Variants in CSMD1 observed in about 807,000 individuals in gnomAD.
CSMD1 encodes the protein CUB and Sushi multiple domains 1.
A neutral mutation model predicts 417.5 loss-of-function variants in CSMD1; 213 were observed. The ratio of observed to expected loss-of-function variants is 0.51; its 90% CI spans 0.46 to 0.57. The LOEUF (loss-of-function observed/expected upper bound fraction) is 0.57. Among genes scored for constraint, CSMD1 ranks in the 20% least tolerant of loss-of-function variants. The pLI, the probability that CSMD1 is intolerant of heterozygous loss-of-function variation, is 0.00. For synonymous variants in CSMD1, 2,862 were observed against 1,736.8 expected, an observed-to-expected ratio of 1.65 and a Z score of -16.11; for missense variants, 6,923 against 4,529.7, an observed-to-expected ratio of 1.53 and a Z score of -15.17.
intron 5 of CSMD1, among the ~76,000 whole-genome samples, chr8:3,915,606 A>T (rs1405370050): frequency 6.6e-6 from 1 of 151,362 alleles, no homozygotes; most frequent in Non-Finnish European, 1.5e-5. Flanking sequence ...TTACTGAAAT[A>T]CTTGAAAAGC....
chr8:3,314,904 G>A (rs974008335), intron 23 of CSMD1, among the ~76,000 whole-genome samples: 14 of 152,336 alleles, frequency 9.2e-5, no homozygotes, highest in African/African-American at 3.4e-4. Flanking sequence ...CGAGCTCACA[G>A]TAATGTGAGT....
intron 7 of CSMD1, among the ~76,000 whole-genome samples, chr8:3,682,262 A>G (rs1211714542): frequency 6.6e-6 from 1 of 152,148 alleles, no homozygotes; most frequent in Non-Finnish European, 1.5e-5. Context: ...GCAACCTAAA[A>G]AATGGGATAA....
At chr8:4,306,371 C>T (rs560071882) in intron 3 of CSMD1, among the ~76,000 whole-genome samples, 1 of 149,122 alleles carries the variant, frequency 6.7e-6, no homozygotes, top group East Asian at 2.0e-4. Context: ...ATGAGCCTCA[C>T]TCTGATAATG....
At chr8:3,993,689 G>C (rs1005103753) in intron 5 of CSMD1, among the ~76,000 whole-genome samples, 1 of 152,172 alleles carries the variant, frequency 6.6e-6, no homozygotes, top group Admixed American at 6.5e-5. Context: ...AAATCATAAA[G>C]TAACAGATGT....
Position 4,783,672 on chromosome 8 carries a change from G to T in CSMD1, c.86-146114C>A, listed in dbSNP as rs187577941. 7.9e-5 allele frequency among the ~76,000 whole-genome samples: 12 copies of T among 152,268 alleles called. No individual in the cohort carries two copies. In the East Asian group the frequency reaches 2.3e-3, roughly 29 times the overall value. On this transcript the variant is annotated intron_variant, in intron 1 of 69. Coordinates refer to ENST00000635120, the MANE Select transcript of CSMD1 (RefSeq NM_033225.6). The stretch of plus-strand genomic sequence containing the variant: ...TCTTGTCATGAACAGGCTGAAGCCA[G>T]CCCGAAGCCTGTACTCAGAAGGGTG...
rs969226200 is a variant in CSMD1, at chr8:4,542,484, A to AT, written c.302+94857dup. Among the ~76,000 whole-genome samples the AT allele has an allele frequency of 2.5e-3, 380 of 152,356 alleles. 3 individuals are homozygous for AT. Among genetic ancestry groups the AT allele is most frequent in the African/African-American group, 8.9e-3 (369 of 41,576 alleles). On this transcript the variant is annotated intron_variant, in intron 2 of 69. Coordinates refer to ENST00000635120, the MANE Select transcript of CSMD1 (RefSeq NM_033225.6). ...GATATTTGAATAGATCACCAAATCA[A>AT]TTTTTTAAAAAAGCACAATTATTGA...
intron 3 of CSMD1, among the ~76,000 whole-genome samples, chr8:4,280,209 A>G (rs1299967291): frequency 6.6e-6 from 1 of 152,258 alleles, no homozygotes; most frequent in Non-Finnish European, 1.5e-5. Context: ...AGCATAGGCC[A>G]ATCAAAGGTT....
chr8:3,147,177 G>C (rs1351974904), intron 40 of CSMD1, among the ~76,000 whole-genome samples: 1 of 152,120 alleles, frequency 6.6e-6, no homozygotes, highest in Admixed American at 6.6e-5. Flanking sequence ...CTGAAGCCTA[G>C]AAATTACATT....
At chr8:2,956,637 T>C (rs1428054058) in intron 63 of CSMD1, among the ~76,000 whole-genome samples, 22 of 151,904 alleles carry the variant, frequency 1.4e-4, no homozygotes, top group Admixed American at 1.4e-3. Flanking sequence ...GTAGTTTTTT[T>C]AGTAGAGATG....
intron 7 of CSMD1, among the ~76,000 whole-genome samples, chr8:3,648,203 T>C (rs762156765): frequency 1.3e-5 from 2 of 152,374 alleles, no homozygotes; most frequent in East Asian, 1.9e-4. Flanking sequence ...ATATTACTCT[T>C]CTCACCATAT....
chr8:3,395,722 C>G (rs1319785136), intron 17 of CSMD1, among the ~76,000 whole-genome samples: 1 of 152,144 alleles, frequency 6.6e-6, no homozygotes, highest in African/African-American at 2.4e-5. Context: ...TCCTTCGCCT[C>G]TTGTTACCTG....
At chr8:4,043,951 A>G (rs1798020434) in intron 3 of CSMD1, among the ~76,000 whole-genome samples, 1 of 152,154 alleles carries the variant, frequency 6.6e-6, no homozygotes, top group African/African-American at 2.4e-5. Context: ...TATTGTCCCA[A>G]TTGTGTTGAT....
chr8:3,682,205 C>T (rs1208988511), intron 7 of CSMD1, among the ~76,000 whole-genome samples: 1 of 152,138 alleles, frequency 6.6e-6, no homozygotes, highest in African/African-American at 2.4e-5. Context: ...TCTAATTAAA[C>T]TAAAGAGCTT....
intron 1 of CSMD1, among the ~76,000 whole-genome samples, chr8:4,914,960 G>T (rs554307370): frequency 1.3e-5 from 2 of 152,138 alleles, no homozygotes; most frequent in Non-Finnish European, 2.9e-5. Context: ...ATGATGAAAC[G>T]CATTCCGTTT....
rs866201787 is a variant in CSMD1 at position 2,974,683 on chromosome 8, G to C, written c.8567-59C>G. On this transcript the variant is annotated intron_variant, in intron 55 of 69. Coordinates refer to ENST00000635120, the MANE Select transcript of CSMD1 (RefSeq NM_033225.6). ...CTTCCAGTTAAACCACTTTGTATTG[G>C]AAAATCTCCCATACAGACACCCATA... is the stretch of plus-strand genomic sequence containing the variant. 9 of 1,340,396 alleles carry C rather than the reference G, an allele frequency of 6.7e-6. No homozygotes were observed. In the Middle Eastern group the frequency reaches 1.3e-3, roughly 193 times the overall value. The allele number at this position is 1,340,396 out of a possible 1,614,324, so 83.0% of individuals were successfully genotyped here.
At chr8:4,095,530 T>C (rs1430048068) in intron 3 of CSMD1, among the ~76,000 whole-genome samples, 1 of 152,236 alleles carries the variant, frequency 6.6e-6, no homozygotes. Context: ...CTAGTATCAA[T>C]GTAAACATGC....
intron 1 of CSMD1, among the ~76,000 whole-genome samples, chr8:4,895,315 T>A (rs1039330072): frequency 5.9e-5 from 9 of 152,154 alleles, no homozygotes; most frequent in Non-Finnish European, 1.2e-4. Flanking sequence ...TAGTTGTCTT[T>A]GTTTCTCTCC....
intron 3 of CSMD1, among the ~76,000 whole-genome samples, chr8:4,277,936 G>A (rs775321676): frequency 1.3e-5 from 2 of 152,020 alleles, no homozygotes; most frequent in Non-Finnish European, 2.9e-5. Flanking sequence ...TTTTAGTGGA[G>A]ACAGGATTTC....
chr8:3,640,543 A>AT (rs1022225770), intron 7 of CSMD1, among the ~76,000 whole-genome samples: 22 of 152,112 alleles, frequency 1.4e-4, no homozygotes, highest in African/African-American at 3.9e-4. Flanking sequence ...GCATAAACTC[A>AT]TTTTTTTCCA....
Sources: allele counts gnomAD v4.1 joint callset (sites outside exome capture counted in the v4.1 genomes callset), GRCh38; gene constraint gnomAD v4.1.1; transcripts MANE v1.5; gene names NCBI Gene and HGNC (gene_info 2026-07-23, HGNC 2026-07-21).